The following AHRR variants were observed in gnomAD, a reference collection of about 807,000 sequenced individuals.
The protein encoded by AHRR is aryl hydrocarbon receptor repressor.
Under a neutral mutation model 44.0 loss-of-function variants are expected in AHRR, and 28 were observed. The observed-to-expected ratio is 0.64, with a 90% CI of 0.47 to 0.87. AHRR has a LOEUF of 0.87. AHRR is among the 40% of genes least tolerant of loss of function. AHRR has a pLI of 0.00. For synonymous variants in AHRR, 434 were observed against 407.0 expected (o/e 1.07, Z -0.80); for missense variants, 990 against 953.9 (o/e 1.04, Z -0.50).
At chr5:386,260 A>C (rs1344466586) in intron 4 of AHRR, among the ~76,000 whole-genome samples, 2 of 152,102 alleles carry the variant, frequency 1.3e-5, no homozygotes, top group East Asian at 3.8e-4. Context: ...TCTGGTTCTT[A>C]GGATGTACAG....
At chr5:328,672 T>G (rs1382184856) in intron 1 of AHRR, among the ~76,000 whole-genome samples, 2 of 152,234 alleles carry the variant, frequency 1.3e-5, no homozygotes, top group Non-Finnish European at 2.9e-5. Flanking sequence ...GCCATTTGTA[T>G]CTCTTCTTTT....
At chr5:345,201 T>TGG (rs1288726845) in intron 2 of AHRR, among the ~76,000 whole-genome samples, 3 of 26,036 alleles carry the variant, frequency 1.2e-4, no homozygotes, top group African/African-American at 4.3e-4. Flanking sequence ...TGTGTGTGTG[T>TGG]GTGTGTGTGT....
At chr5:420,232 A>G (rs1736009025) in intron 5 of AHRR, among the ~76,000 whole-genome samples, 1 of 152,264 alleles carries the variant, frequency 6.6e-6, no homozygotes, top group Non-Finnish European at 1.5e-5. Flanking sequence ...AGAGCTGTGA[A>G]GTCCTGGATT....
chr5:430,462 G>A (rs1303644370), intron 8 of AHRR, among the ~76,000 whole-genome samples: 1 of 152,220 alleles, frequency 6.6e-6, no homozygotes, highest in East Asian at 1.9e-4. Context: ...CGCCCCAGGG[G>A]ACCTGCAAAG....
At chr5:403,098 C>T (rs531348061) in intron 4 of AHRR, among the ~76,000 whole-genome samples, 4 of 152,224 alleles carry the variant, frequency 2.6e-5, no homozygotes, top group Non-Finnish European at 4.4e-5. Context: ...TCCACCTTGA[C>T]GACTCTGCGG....
rs560050239 is a variant in AHRR, at chr5:338,947, A to G, written c.-10-4946A>G. Among the ~76,000 whole-genome samples the G allele has an allele frequency of 6.6e-6, 1 of 152,270 alleles. No individual in the cohort carries two copies. The highest frequency in any genetic ancestry group is 2.1e-4 in the South Asian group (1 of 4,824). On this transcript the variant is annotated intron_variant, in intron 1 of 10. Coordinates refer to ENST00000684583, the MANE Select transcript of AHRR (RefSeq NM_001377236.1). This position sits in a 1 kb window ranked among gnomAD's most constrained non-coding sequence, Gnocchi z 4.1. Reference sequence around the variant, plus strand: ...CCTATTTTATTTTTATTGGGGTGCTATTGTAAATGATACTAGTTTTTAAAA... The same window carrying G: ...CCTATTTTATTTTTATTGGGGTGCTGTTGTAAATGATACTAGTTTTTAAAA...
At chr5:376,552 A>ATGAGAACCGTGGGCT in intron 3 of AHRR, 58 bp from the exon 4 acceptor site, 1 of 1,409,246 alleles carries the variant, frequency 7.1e-7, no homozygotes, top group Non-Finnish European at 9.6e-7. Flanking sequence ...ATGTGAATGA[A>ATGAGAACCGTGGGCT]GAAGAGTGGC....
intron 7 of AHRR, among the ~76,000 whole-genome samples, chr5:426,621 G>A (rs117429436): frequency 6.2e-4 from 33 of 53,394 alleles, no homozygotes; most frequent in East Asian, 5.5e-3. Flanking sequence ...ATGGATGGAC[G>A]GATGGGTGGA....
intron 1 of AHRR, among the ~76,000 whole-genome samples, chr5:340,686 A>AT (rs1460511792): frequency 1.4e-3 from 28 of 19,490 alleles, no homozygotes; most frequent in Non-Finnish European, 2.0e-3. Flanking sequence ...ATATATATAT[A>AT]TATTTTTTTT....
chr5:426,847 AGATG>A (rs796222923), intron 7 of AHRR, among the ~76,000 whole-genome samples: 14 of 123,596 alleles, frequency 1.1e-4, no homozygotes, highest in Middle Eastern at 5.4e-3. Context: ...AAACATGGAT[AGATG>A]GATGGATGGG....
At chr5:362,239 G>T (rs1743209647) in intron 3 of AHRR, among the ~76,000 whole-genome samples, 1 of 152,236 alleles carries the variant, frequency 6.6e-6, no homozygotes, top group Non-Finnish European at 1.5e-5. Context: ...AAGCCAAGAA[G>T]AGAGCCCTCA....
chr5:422,851 G>A lies in AHRR; in HGVS notation c.564G>A (p.Leu188=), dbSNP rs1327875647. The change falls in exon 6 of 11, where the codon TTG becomes TTA. Residue 188 remains leucine, a synonymous_variant. Transcript: ENST00000684583. The part of the protein sequence containing the change: ...PQVVFGQPPP[L]ETGDDAILGR... ...TGGTGTTTGGGCAGCCCCCGCCCTT[G>A]GAGACAGGTGGGTGTCTGGGGTCCA... 6.2e-7 allele frequency: 1 copy of A among 1,610,704 alleles called. No individual in the cohort carries two copies. Among genetic ancestry groups the A allele is most frequent in the East Asian group, 2.2e-5 (1 of 44,804 alleles).
At chr5:356,308 C>T (rs1743043656) in intron 3 of AHRR, among the ~76,000 whole-genome samples, 1 of 152,292 alleles carries the variant, frequency 6.6e-6, no homozygotes, top group South Asian at 2.1e-4. Flanking sequence ...TAGGCTGAAC[C>T]CTGGTCACAG....
At chr5:393,998 G>A (rs1255475976) in intron 4 of AHRR, among the ~76,000 whole-genome samples, 2 of 152,190 alleles carry the variant, frequency 1.3e-5, no homozygotes, top group African/African-American at 4.8e-5. Context: ...CTTCCCAGCC[G>A]AGGTCTCTCA....
chr5:351,384 A>G (rs1742853260), intron 2 of AHRR, among the ~76,000 whole-genome samples: 1 of 152,240 alleles, frequency 6.6e-6, no homozygotes, highest in Admixed American at 6.5e-5. Context: ...GGATAAAGCA[A>G]TGTGGCCTCT....
chr5:386,005 A>G lies in AHRR; in HGVS notation c.351+9289A>G, dbSNP rs79054426. ...CTCCATTTGCTATTAAACTCATCCA[A>G]TGAAATGTTTACTTCATGTATTTTA... On this transcript the variant is annotated intron_variant, in intron 4 of 10. Coordinates refer to ENST00000684583, the MANE Select transcript of AHRR (RefSeq NM_001377236.1). Among the ~76,000 whole-genome samples the G allele has an allele frequency of 4.1e-4, 63 of 152,262 alleles. 1 individual carries two copies. The East Asian group carries it at 0.011, about 26-fold the overall frequency.
intron 1 of AHRR, among the ~76,000 whole-genome samples, chr5:322,196 G>T (rs992945063): frequency 6.6e-6 from 1 of 152,132 alleles, no homozygotes; most frequent in Non-Finnish European, 1.5e-5. Context: ...GGTCCGGGGG[G>T]CCTCACCCCC....
At chr5:349,393 C>G (rs768850653) in intron 2 of AHRR, among the ~76,000 whole-genome samples, 3 of 152,028 alleles carry the variant, frequency 2.0e-5, no homozygotes, top group African/African-American at 7.3e-5. Flanking sequence ...CTGGCTAACA[C>G]GGTGAAACCC....
In AHRR at chr5:353,861, C is replaced by T; in HGVS notation, c.194C>T (p.Ser65Phe). 1 of 1,614,160 alleles carries T rather than the reference C, an allele frequency of 6.2e-7. No individual in the cohort carries two copies. The change falls in exon 3 of 11, where the codon TCT becomes TTT. Residue 65 changes from serine to phenylalanine, a missense_variant. Ser to Phe is a radical substitution (Grantham distance 155). Coordinates refer to ENST00000684583, the MANE Select transcript of AHRR (RefSeq NM_001377236.1). ...ATCATCTCCAAGCTGGACAAGCTTT[C>T]TGTCCTGCGCCTCAGTGTCAGTTAC... Reference protein sequence around the residue: ...PDIISKLDKLSVLRLSVSYLR... With the variant: ...PDIISKLDKLFVLRLSVSYLR...
Sources: allele counts gnomAD v4.1 joint callset (sites outside exome capture counted in the v4.1 genomes callset), GRCh38; gene constraint gnomAD v4.1.1; non-coding constraint Gnocchi (gnomAD v3.1); transcripts MANE v1.5; gene names NCBI Gene and HGNC (gene_info 2026-07-23, HGNC 2026-07-21).